The following PGM5 variants were observed in gnomAD, a reference collection of about 807,000 sequenced individuals.
PGM5 encodes phosphoglucomutase 5, also known as phosphoglucomutase-like protein 5.
Under a neutral mutation model 59.2 loss-of-function variants are expected in PGM5, and 23 were observed. That is an observed-to-expected ratio of 0.39 (90% confidence interval 0.28 to 0.55). The LOEUF (loss-of-function observed/expected upper bound fraction) is 0.55. Among genes scored for constraint, PGM5 ranks in the 20% least tolerant of loss-of-function variants. The pLI is 0.66. For missense variants in PGM5, 574 were observed against 748.3 expected (o/e 0.77, Z 2.72); for synonymous variants, 214 against 286.0 (o/e 0.75, Z 2.54).
intron 10 of PGM5, among the ~76,000 whole-genome samples, chr9:68,500,438 G>A (rs1382082990): frequency 2.6e-5 from 4 of 151,834 alleles, no homozygotes; most frequent in African/African-American, 9.7e-5. Context: ...ATCCTAGATG[G>A]GACAGGAGAG....
At chr9:68,398,353 G>A (rs1822568812) in intron 6 of PGM5, 1 of 152,108 alleles carries the variant, frequency 6.6e-6, no homozygotes, top group Non-Finnish European at 1.5e-5. Context: ...TCTTACTAAA[G>A]AGAATTTAGT....
At chr9:68,465,354 G>A in intron 7 of PGM5, 146 bp downstream of exon 7, 2 of 557,864 alleles carry the variant, frequency 3.6e-6, no homozygotes, top group Non-Finnish European at 6.5e-6. Flanking sequence ...AGTATGTGCT[G>A]TGATATGCTT....
chr9:68,474,887 A>C (rs1824079143), intron 7 of PGM5, among the ~76,000 whole-genome samples: 1 of 150,232 alleles, frequency 6.7e-6, no homozygotes, highest in Non-Finnish European at 1.5e-5. Context: ...CCATAAATGC[A>C]TATTATTAAG....
chr9:68,399,454 G>A (rs1822608847), intron 6 of PGM5, among the ~76,000 whole-genome samples: 1 of 152,106 alleles, frequency 6.6e-6, no homozygotes. Context: ...TCAAATCCAG[G>A]CCAACACTTC....
chr9:68,382,979 C>A (rs1490764822), intron 2 of PGM5, among the ~76,000 whole-genome samples: 3 of 151,978 alleles, frequency 2.0e-5, no homozygotes, highest in African/African-American at 7.2e-5. Flanking sequence ...TATAATCTGG[C>A]AAGCATAAAA....
intron 10 of PGM5, among the ~76,000 whole-genome samples, chr9:68,508,030 C>T (rs1824685934): frequency 6.6e-6 from 1 of 152,112 alleles, no homozygotes; most frequent in South Asian, 2.1e-4. Flanking sequence ...CTTGGCCAAA[C>T]ATTGTGATCA....
At chr9:68,420,453 A>G (rs1275123480) in intron 6 of PGM5, among the ~76,000 whole-genome samples, 1 of 152,212 alleles carries the variant, frequency 6.6e-6, no homozygotes, top group African/African-American at 2.4e-5. Flanking sequence ...AATGCATGCC[A>G]GTTAGATATG....
At position 68,499,289 on chromosome 9, in the gene PGM5, T is replaced by G. The variant is rs1554688421; in HGVS notation, c.1542T>G (p.Gly514=). ...TCTTCCGGCTCAGTTCCTCCAGTGGTGTGCGGGCCACCCTCAGACTGTACG... is the reference window on the plus strand; with the variant it reads ...TCTTCCGGCTCAGTTCCTCCAGTGGGGTGCGGGCCACCCTCAGACTGTACG... ...RLIFRLSSSS[G]VRATLRLYAE... is the part of the protein sequence containing the mutation. Residue 514 remains glycine (G), a synonymous_variant, in exon 10 of 11, where the codon GGT becomes GGG. Transcript: ENST00000396396. 1.2e-6 allele frequency: 2 copies of G among 1,614,176 alleles called. No homozygotes were observed. Among genetic ancestry groups the G allele is most frequent in the South Asian group, 2.2e-5 (2 of 91,086 alleles).
intron 1 of PGM5, among the ~76,000 whole-genome samples, chr9:68,376,780 TC>T (rs1260890146): frequency 8.9e-5 from 8 of 89,802 alleles, no homozygotes; most frequent in Non-Finnish European, 1.6e-4. Flanking sequence ...TTTCTTTCTT[TC>T]TTTCTTTCTT....
chr9:68,452,651 C>G (rs1554684466), intron 6 of PGM5, among the ~76,000 whole-genome samples: 1 of 152,208 alleles, frequency 6.6e-6, no homozygotes, highest in Non-Finnish European at 1.5e-5. Context: ...AACAAGACTG[C>G]TCAGGGGAAC....
chr9:68,514,321 G>T (rs1307107551), intron 10 of PGM5, among the ~76,000 whole-genome samples: 2 of 152,166 alleles, frequency 1.3e-5, no homozygotes, highest in African/African-American at 4.8e-5. Flanking sequence ...GAAAACTGAT[G>T]CTGGCTGTAC....
chr9:68,529,713 C>A lies in PGM5; in HGVS notation c.*57C>A. 2 of 1,040,808 alleles carry A rather than the reference C, an allele frequency of 1.9e-6. No individual in the cohort carries two copies. Among genetic ancestry groups the A allele is most frequent in the Admixed American group, 2.8e-5 (1 of 35,632 alleles). The allele number at this position is 1,040,808 out of a possible 1,614,324, so 64.5% of individuals were successfully genotyped here. On this transcript the variant is annotated 3_prime_UTR_variant, in exon 11 of 11. Transcript: ENST00000396396. The stretch of plus-strand genomic sequence containing the variant: ...AGAGTGCTCAGCGGGAGATGCTTCA[C>A]TGATGCCTTCTTGCTACCTGTTTGT...
At chr9:68,486,884 C>G (rs78727019) in intron 9 of PGM5, among the ~76,000 whole-genome samples, 4,567 of 152,280 alleles carry the variant, frequency 0.03, 222 homozygotes, top group African/African-American at 0.1. Context: ...ACTTGACATT[C>G]CTGCCAACAG....
chr9:68,430,884 G>C (rs7027250), intron 6 of PGM5, among the ~76,000 whole-genome samples: 3,608 of 152,250 alleles, frequency 0.024, 131 homozygotes, highest in African/African-American at 0.08. Context: ...TGTAATTAGA[G>C]TATTCATCAT....
intron 2 of PGM5, among the ~76,000 whole-genome samples, 196 bp downstream of exon 2, chr9:68,378,557 C>T (rs1190336965): frequency 1.3e-5 from 2 of 151,986 alleles, no homozygotes; most frequent in East Asian, 1.9e-4. Context: ...GTCTCTTGGT[C>T]CCCTGTACTC....
chr9:68,466,019 C>T, intron 7 of PGM5: 2 of 558,620 alleles, frequency 3.6e-6, no homozygotes, highest in Non-Finnish European at 5.5e-6. Flanking sequence ...ATTATTTTTT[C>T]AAATATTTCT....
At chr9:68,439,259 G>T (rs1173781666) in intron 6 of PGM5, among the ~76,000 whole-genome samples, 2 of 151,794 alleles carry the variant, frequency 1.3e-5, no homozygotes, top group African/African-American at 4.8e-5. Context: ...CAGCTACTTG[G>T]GAGGCTGTGT....
intron 1 of PGM5, chr9:68,371,567 A>C (rs1821732854): frequency 2.0e-5 from 3 of 152,144 alleles, no homozygotes; most frequent in Admixed American, 1.3e-4. Flanking sequence ...ATAGAATCTG[A>C]TCTTCGGTGG....
intron 10 of PGM5, among the ~76,000 whole-genome samples, chr9:68,506,225 G>A (rs1824652856): frequency 1.3e-5 from 2 of 152,178 alleles, no homozygotes; most frequent in South Asian, 4.1e-4. Context: ...CTGAGTCTCA[G>A]CCAATCACAG....
Sources: allele counts gnomAD v4.1 joint callset (sites outside exome capture counted in the v4.1 genomes callset), GRCh38; gene constraint gnomAD v4.1.1; transcripts MANE v1.5; gene names NCBI Gene and HGNC (gene_info 2026-07-23, HGNC 2026-07-21).